MYO18B: variants seen among roughly 807,000 people sequenced by gnomAD.
MYO18B encodes myosin XVIIIB.
MYO18B carries 204 observed loss-of-function variants against 273.0 expected under a neutral mutation model. The ratio of observed to expected loss-of-function variants is 0.75; its 90% CI spans 0.67 to 0.84. The LOEUF is 0.84. MYO18B is among the 40% of genes least tolerant of loss of function. The pLI is 0.00. For missense variants in MYO18B, 3,212 were observed against 3,287.6 expected, an observed-to-expected ratio of 0.98 and a Z score of 0.56; for synonymous variants, 1,330 against 1,305.7, an observed-to-expected ratio of 1.02 and a Z score of -0.40.
the MYO18B span, among the ~76,000 whole-genome samples, chr22:26,056,329 A>G: frequency 6.7e-6 from 1 of 150,340 alleles, no homozygotes; most frequent in African/African-American, 2.5e-5. Flanking sequence ...ATGGAAACAT[A>G]ATGAAAATCT....
intron 21 of MYO18B, among the ~76,000 whole-genome samples, chr22:25,866,517 A>G (rs950660691): frequency 6.6e-6 from 1 of 152,040 alleles, no homozygotes; most frequent in Non-Finnish European, 1.5e-5. Context: ...TTCAGTCATC[A>G]TATCTATTGG....
intron 37 of MYO18B, 116 bp from the exon 38 acceptor site, chr22:25,952,170 T>C (rs2092799878): frequency 6.9e-6 from 8 of 1,160,346 alleles, no homozygotes; most frequent in Admixed American, 4.4e-5. Context: ...CACACCTGAG[T>C]AGAGAAGGAG....
chr22:25,910,756 T>C (rs1368706622), intron 32 of MYO18B, among the ~76,000 whole-genome samples, 190 bp from the exon 33 acceptor site: 1 of 152,166 alleles, frequency 6.6e-6, no homozygotes, highest in Non-Finnish European at 1.5e-5. Flanking sequence ...CTCCCTACTG[T>C]TGTCCAGCTC....
chr22:25,744,818 C>G (rs1257297082), intron 1 of MYO18B, among the ~76,000 whole-genome samples: 1 of 152,058 alleles, frequency 6.6e-6, no homozygotes, highest in Non-Finnish European at 1.5e-5. Context: ...CAGGGAGGAT[C>G]CCCCTCCCCT....
At position 25,795,691 on chromosome 22, in the gene MYO18B, A is replaced by AT. The variant is rs2087877185; in HGVS notation, c.2377-2261dup. Among the ~76,000 whole-genome samples the AT allele has an allele frequency of 3.9e-5, 6 of 152,278 alleles. 1 individual carries two copies. The highest frequency in any genetic ancestry group is 3.9e-4 in the Admixed American group (6 of 15,292). ...GCTCCTGGTTGCTAGGGATTTTGTG[A>AT]TCCTGTGGCGGCCCAGAAATATGAT... On this transcript the variant is annotated intron_variant, in intron 11 of 43. Coordinates refer to ENST00000335473, the MANE Select transcript of MYO18B (RefSeq NM_032608.7).
chr22:25,971,946 C>CA (rs112080760), intron 39 of MYO18B, among the ~76,000 whole-genome samples: 120 of 143,854 alleles, frequency 8.3e-4, no homozygotes, highest in Middle Eastern at 3.5e-3. Context: ...CCTGAAAGGG[C>CA]AAAAAAAAAA....
rs549052159 is a variant in MYO18B at position 25,792,984 on chromosome 22, G to A, written c.2377-4969G>A. Among the ~76,000 whole-genome samples the A allele has an allele frequency of 8.7e-4, 132 of 152,168 alleles. 2 individuals are homozygous for A. The highest frequency in any genetic ancestry group is 2.5e-4 in the Non-Finnish European group (17 of 68,026). ...CCCTTCAGTGGACTGGGAGCCCCTTGAGGGCAGGGTCATACCCGATTAACT... is the reference window on the plus strand; with the variant it reads ...CCCTTCAGTGGACTGGGAGCCCCTTAAGGGCAGGGTCATACCCGATTAACT... On this transcript the variant is annotated intron_variant, in intron 11 of 43. Coordinates refer to ENST00000335473, the MANE Select transcript of MYO18B (RefSeq NM_032608.7).
chr22:26,004,106 TACAC>T (rs1404053761), intron 41 of MYO18B, among the ~76,000 whole-genome samples: 3 of 151,374 alleles, frequency 2.0e-5, no homozygotes, highest in Non-Finnish European at 4.4e-5. Flanking sequence ...TATATACACA[TACAC>T]ACATATAAAT....
At chr22:25,797,812 C>G (rs1569033690) in intron 11 of MYO18B, 141 bp from the exon 12 acceptor site, 3 of 1,210,366 alleles carry the variant, frequency 2.5e-6, no homozygotes, top group Non-Finnish European at 3.6e-6. Context: ...GTCAGTACTC[C>G]TCAGCTTAAT....
At chr22:25,785,361 G>A (rs1279694973) in intron 10 of MYO18B, 67 bp from the exon 11 acceptor site, 21 of 1,497,028 alleles carry the variant, frequency 1.4e-5, no homozygotes, top group East Asian at 4.9e-5. Context: ...ACACTGTGAC[G>A]ACCACCTGCC....
intron 39 of MYO18B, among the ~76,000 whole-genome samples, chr22:25,991,030 TTCCG>T (rs10556803): frequency 0.45 from 68,807 of 151,802 alleles, 16,647 homozygotes; most frequent in African/African-American, 0.62. Flanking sequence ...CTCGGATCTA[TTCCG>T]TTTGCTTCAT....
At chr22:26,037,061 G>A in the MYO18B span, among the ~76,000 whole-genome samples, 1 of 151,634 alleles carries the variant, frequency 6.6e-6, no homozygotes, top group Non-Finnish European at 1.5e-5. Context: ...TGTAGATCGT[G>A]CTTTCCTATA....
At chr22:25,888,434 A>G (rs996752707) in intron 25 of MYO18B, among the ~76,000 whole-genome samples, 1 of 151,952 alleles carries the variant, frequency 6.6e-6, no homozygotes, top group African/African-American at 2.4e-5. Flanking sequence ...GTTTATTTTT[A>G]AAAACTTTTT....
intron 39 of MYO18B, among the ~76,000 whole-genome samples, chr22:25,957,370 A>G (rs2092865727): frequency 6.6e-6 from 1 of 152,230 alleles, no homozygotes; most frequent in Admixed American, 6.5e-5. Context: ...ATTATAGCAT[A>G]GTTCCCACAT....
chr22:25,959,212 T>C (rs1569237669), intron 39 of MYO18B: 1 of 151,824 alleles, frequency 6.6e-6, no homozygotes, highest in Non-Finnish European at 1.5e-5. Context: ...CCATGCCCAC[T>C]GTCACCACCA....
chr22:25,973,892 G>A (rs556856063), intron 39 of MYO18B, among the ~76,000 whole-genome samples: 1 of 152,080 alleles, frequency 6.6e-6, no homozygotes, highest in Non-Finnish European at 1.5e-5. Context: ...CAAGGAGGGG[G>A]ACCTGTTTCT....
chr22:25,884,504 A>G (rs887049923), intron 25 of MYO18B, among the ~76,000 whole-genome samples: 2 of 152,214 alleles, frequency 1.3e-5, no homozygotes, highest in Non-Finnish European at 2.9e-5. Flanking sequence ...CCTGGTGGAC[A>G]GTGGAAGAGA....
At chr22:25,857,362 TC>T (rs2090602971) in intron 21 of MYO18B, among the ~76,000 whole-genome samples, 1 of 152,178 alleles carries the variant, frequency 6.6e-6, no homozygotes, top group South Asian at 2.1e-4. Context: ...AAAATCTCTG[TC>T]CCTGAGGACT....
intron 21 of MYO18B, among the ~76,000 whole-genome samples, chr22:25,863,942 T>A (rs1307656042): frequency 6.6e-6 from 1 of 152,244 alleles, no homozygotes; most frequent in African/African-American, 2.4e-5. Context: ...ATTTCTGGCA[T>A]GTTTAAGGTC....
Sources: gnomAD v4.1 joint callset for allele counts (sites outside exome capture counted in the v4.1 genomes callset) on GRCh38, gnomAD v4.1.1 for gene constraint, MANE v1.5 for transcripts, NCBI Gene and HGNC (gene_info 2026-07-23, HGNC 2026-07-21) for gene names.